The following LMLN variants were observed in gnomAD, a reference collection of about 807,000 sequenced individuals.
LMLN encodes the protein leishmanolysin-like peptidase.
A neutral mutation model predicts 92.3 loss-of-function variants in LMLN; 70 were observed. The observed-to-expected ratio is 0.76, with a 90% CI of 0.63 to 0.92. The LOEUF (loss-of-function observed/expected upper bound fraction) is 0.92. Ranked by LOEUF, LMLN falls within the 40% of genes least tolerant of loss-of-function variation. The pLI, the probability that LMLN is intolerant of heterozygous loss-of-function variation, is 0.00. For missense variants in LMLN, 691 were observed against 814.6 expected (o/e 0.85, Z 1.85); for synonymous variants, 308 against 296.2 (o/e 1.04, Z -0.41).
Position 198,037,593 on chromosome 3 carries a change from C to G in LMLN, c.1868-974C>G, listed in dbSNP as rs150170904. Among the ~76,000 whole-genome samples the G allele has an allele frequency of 4.4e-3, 668 of 152,270 alleles. 1 individual carries two copies. The highest frequency in any genetic ancestry group is 6.7e-3 in the Non-Finnish European group (454 of 68,024). Reference sequence around the variant, plus strand: ...TGAACCCGGGAGGCGGAGCCAAGATCACACCACTGCACTTCAGCCTGGGCA... The same window carrying G: ...TGAACCCGGGAGGCGGAGCCAAGATGACACCACTGCACTTCAGCCTGGGCA... On this transcript the variant is annotated intron_variant, in intron 15 of 15. Coordinates refer to ENST00000330198, the Ensembl canonical transcript of LMLN.
intron 11 of LMLN, among the ~76,000 whole-genome samples, chr3:198,000,118 C>A (rs1384748769): frequency 1.3e-5 from 2 of 151,960 alleles, no homozygotes; most frequent in African/African-American, 2.4e-5. Context: ...TCCCAAACGC[C>A]TGGGCTCAAG....
At chr3:198,023,125 A>C (rs967026310) in intron 13 of LMLN, among the ~76,000 whole-genome samples, 3 of 152,146 alleles carry the variant, frequency 2.0e-5, no homozygotes, top group African/African-American at 7.2e-5. Context: ...GACAGTATGT[A>C]CGTGAATGAA....
chr3:198,011,608 G>A (rs1722443242), intron 11 of LMLN, among the ~76,000 whole-genome samples: 1 of 151,172 alleles, frequency 6.6e-6, no homozygotes, highest in Non-Finnish European at 1.5e-5. Context: ...CTTTATAGCA[G>A]CATGATTTAT....
intron 1 of LMLN, among the ~76,000 whole-genome samples, chr3:197,967,538 A>G (rs530227459): frequency 1.3e-5 from 2 of 152,370 alleles, no homozygotes; most frequent in East Asian, 3.8e-4. Context: ...AAAGACCACA[A>G]GGCAAAGGGC....
chr3:197,996,197 A>G (rs757749601), exon 10 of LMLN: 3 of 1,575,646 alleles, frequency 1.9e-6, no homozygotes, highest in Non-Finnish European at 2.6e-6. Context: ...AAACATTTTG[A>G]TTGTCCAGTT....
chr3:197,969,817 A>C (rs767423218), intron 1 of LMLN, among the ~76,000 whole-genome samples: 6 of 152,124 alleles, frequency 3.9e-5, no homozygotes, highest in African/African-American at 1.4e-4. Flanking sequence ...AATATTGTAA[A>C]TATATTAATA....
intron 11 of LMLN, 105 bp downstream of exon 12, chr3:198,003,230 T>G: frequency 1.6e-6 from 1 of 635,920 alleles, no homozygotes; most frequent in Non-Finnish European, 2.6e-6. Flanking sequence ...GTCTGAGCAG[T>G]TCAATTTTAA....
intron 14 of LMLN, among the ~76,000 whole-genome samples, chr3:198,026,116 G>A (rs1298822881): frequency 1.3e-5 from 2 of 151,868 alleles, no homozygotes; most frequent in African/African-American, 4.8e-5. Context: ...CACCACACCT[G>A]GCTGATTTTT....
intron 1 of LMLN, among the ~76,000 whole-genome samples, chr3:197,971,837 G>C (rs953197060): frequency 6.7e-5 from 10 of 148,232 alleles, no homozygotes; most frequent in Admixed American, 5.5e-4. Context: ...TTTTTTAGCT[G>C]TTATTTCTTT....
chr3:197,984,674 C>T (rs1436053639), intron 7 of LMLN, among the ~76,000 whole-genome samples: 2 of 151,726 alleles, frequency 1.3e-5, no homozygotes, highest in African/African-American at 4.8e-5. Flanking sequence ...GTCTCAAACT[C>T]CTAGGCTCAA....
chr3:197,976,655 C>T (rs780058886), exon 5 of LMLN: 31 of 1,598,410 alleles, frequency 1.9e-5, no homozygotes, highest in East Asian at 6.8e-5. Flanking sequence ...GGTACTGCAC[C>T]GGGGAGTGTG....
intron 1 of LMLN, among the ~76,000 whole-genome samples, chr3:197,968,061 A>G (rs1721109693): frequency 6.6e-6 from 1 of 152,222 alleles, no homozygotes; most frequent in Non-Finnish European, 1.5e-5. Context: ...CACATGTTTT[A>G]CAATCAATTT....
chr3:198,012,680 C>T (rs1368901982), intron 11 of LMLN, among the ~76,000 whole-genome samples: 1 of 151,294 alleles, frequency 6.6e-6, no homozygotes, highest in African/African-American at 2.4e-5. Flanking sequence ...AGTCTGACTT[C>T]TCTGTACCCT....
chr3:197,996,122 T>C (rs1181450845), intron 9 of LMLN, 53 bp from the exon 10 acceptor site: 17 of 967,448 alleles, frequency 1.8e-5, no homozygotes, highest in African/African-American at 3.4e-5. Flanking sequence ...TTTGCTGTTA[T>C]CTTACGGTAC....
rs77792747 is a variant in LMLN, at chr3:197,963,905, A to T, written c.219+3465A>T. On this transcript the variant is annotated intron_variant, in intron 1 of 15. Transcript: ENST00000330198. ...CCATTAAGTATGATGTTAACTTTAC[A>T]TTTTTTTGTAGTTCCCTTTATCAGA... is the stretch of plus-strand genomic sequence containing the variant. Among the ~76,000 whole-genome samples, 7 of 152,174 alleles carry T rather than the reference A, an allele frequency of 4.6e-5. No individual in the cohort carries two copies. In the South Asian group the frequency reaches 8.3e-4, roughly 18 times the overall value.
In LMLN at chr3:198,019,151, G is replaced by T; in HGVS notation, c.1233-102G>T. The T allele has an allele frequency of 8.6e-7, 1 of 1,167,152 alleles. No homozygotes were observed. The allele number at this position is 1,167,152 out of a possible 1,614,324, so 72.3% of individuals were successfully genotyped here. On this transcript the variant is annotated intron_variant, in intron 11 of 15. Coordinates refer to ENST00000330198, the Ensembl canonical transcript of LMLN. The surrounding 1 kb of genome is among the most constrained non-coding windows in gnomAD (Gnocchi z 5.5). ...TCCCATTTGTTAATTATGAAGGTTT[G>T]TATTTTTAGGCCAGGATCTGGAATT... is the stretch of plus-strand genomic sequence containing the variant.
chr3:197,977,282 G>T (rs576540431), intron 5 of LMLN, among the ~76,000 whole-genome samples: 1 of 152,308 alleles, frequency 6.6e-6, no homozygotes, highest in African/African-American at 2.4e-5. Context: ...TGAAAAAAAT[G>T]TTGCGAATCA....
intron 1 of LMLN, among the ~76,000 whole-genome samples, chr3:197,968,439 G>T (rs912229125): frequency 6.6e-6 from 1 of 151,518 alleles, no homozygotes. Flanking sequence ...CTGGGTAACA[G>T]AGCAAGACTC....
intron 1 of LMLN, among the ~76,000 whole-genome samples, chr3:197,966,069 GTCTC>G (rs1241727638): frequency 6.6e-6 from 1 of 152,114 alleles, no homozygotes; most frequent in Non-Finnish European, 1.5e-5. Flanking sequence ...TTGAGACAGA[GTCTC>G]TCTCCGTTGC....
Sources: gnomAD v4.1 joint callset for allele counts (sites outside exome capture counted in the v4.1 genomes callset) on GRCh38, gnomAD v4.1.1 for gene constraint, Gnocchi (gnomAD v3.1) non-coding constraint, MANE v1.5 for transcripts, NCBI Gene and HGNC (gene_info 2026-07-23, HGNC 2026-07-21) for gene names.